Variants in PIK3C2B observed in about 807,000 individuals in gnomAD.
The protein encoded by PIK3C2B is phosphatidylinositol 4-phosphate 3-kinase C2 domain-containing subunit beta.
Under a neutral mutation model 184.3 loss-of-function variants are expected in PIK3C2B, and 83 were observed. The ratio of observed to expected loss-of-function variants is 0.45; its 90% confidence interval spans 0.38 to 0.54. PIK3C2B has a LOEUF of 0.54. PIK3C2B is among the 20% of genes least tolerant of loss of function. The probability of loss-of-function intolerance (pLI) is 0.00; values close to 1 mark genes in which losing one functional copy is unlikely to be tolerated. For synonymous variants in PIK3C2B, 779 were observed against 837.6 expected, an observed-to-expected ratio of 0.93 and a Z score of 1.21; for missense variants, 1,736 against 2,113.5, an observed-to-expected ratio of 0.82 and a Z score of 3.50.
intron 14 of PIK3C2B, 89 bp downstream of exon 14, chr1:204,449,096 G>T: frequency 1.1e-6 from 1 of 897,614 alleles, no homozygotes. Flanking sequence ...ACTCTCTCCT[G>T]CTGTCCCAGC....
chr1:204,447,465 T>C lies in PIK3C2B; in HGVS notation c.2460A>G (p.Lys820=), dbSNP rs1477150341. ...SLREEDQRKL[K]DIMQKESLYW... The stretch of plus-strand genomic sequence containing the variant: ...ACAAGGACTCTTTCTGCATGATGTC[T>C]TTAAGCTTGCGCTGGTCTTCTTCCC... Residue 820 remains lysine (K), a synonymous_variant, in exon 15 of 33, where the codon AAA becomes AAG. Coordinates refer to ENST00000684373, the MANE Select transcript of PIK3C2B (RefSeq NM_001377334.1). The surrounding 1 kb of genome is among the most constrained non-coding windows in gnomAD (Gnocchi z 4.1). 3 of 1,613,854 alleles carry C rather than the reference T, an allele frequency of 1.9e-6. No homozygotes were observed. The East Asian group carries it at 6.7e-5, about 36-fold the overall frequency.
intron 9 of PIK3C2B, 79 bp from the exon 10 acceptor site, chr1:204,457,149 G>T: frequency 1.6e-6 from 2 of 1,258,148 alleles, no homozygotes; most frequent in Non-Finnish European, 2.2e-6. Context: ...GCTTTTCACA[G>T]CTGCGCTCAT....
Position 204,433,288 on chromosome 1 carries a change from T to C in PIK3C2B, c.3953+28A>G, listed in dbSNP as rs1169437133. On this transcript the variant is annotated intron_variant, in intron 26 of 32. Transcript: ENST00000684373. The surrounding 1 kb of genome is among the most constrained non-coding windows in gnomAD (Gnocchi z 5.0). The stretch of plus-strand genomic sequence containing the variant: ...GCTGGGAATTACTCAGGGTGGGCAG[T>C]GCTGATTCGCTCAGGGAATCATTTT... The C allele has an allele frequency of 1.7e-6, 2 of 1,202,270 alleles. No homozygotes were observed. The highest frequency in any genetic ancestry group is 3.0e-5 in the African/African-American group (2 of 66,878). The allele number at this position is 1,202,270 out of a possible 1,614,324, so 74.5% of individuals were successfully genotyped here.
At chr1:204,434,685 G>T (rs1675247901) in intron 23 of PIK3C2B, 77 bp from the exon 24 acceptor site, 2 of 1,216,204 alleles carry the variant, frequency 1.6e-6, no homozygotes, top group Non-Finnish European at 2.3e-6. Context: ...CAGCCAGACA[G>T]AACTCAGCCA....
intron 1 of PIK3C2B, among the ~76,000 whole-genome samples, chr1:204,475,023 G>A (rs1255240017): frequency 6.6e-6 from 1 of 151,988 alleles, no homozygotes; most frequent in Non-Finnish European, 1.5e-5. Flanking sequence ...TCCTAACTGT[G>A]GTTGCCCTAA....
At chr1:204,434,703 C>A in intron 23 of PIK3C2B, 95 bp from the exon 24 acceptor site, 1 of 949,090 alleles carries the variant, frequency 1.1e-6, no homozygotes, top group Non-Finnish European at 1.6e-6. Context: ...CCAGCCCTGG[C>A]CTCTCTCTCT....
At chr1:204,482,306 C>A (rs1033741559) in intron 1 of PIK3C2B, among the ~76,000 whole-genome samples, 6 of 152,188 alleles carry the variant, frequency 3.9e-5, no homozygotes, top group Non-Finnish European at 8.8e-5. Context: ...CCAGGTTGAT[C>A]CAGGTGGCCA....
intron 29 of PIK3C2B, among the ~76,000 whole-genome samples, chr1:204,429,396 A>AG (rs758962486): frequency 2.4e-4 from 37 of 152,326 alleles, no homozygotes; most frequent in Non-Finnish European, 4.7e-4. Context: ...ATAAATGCTA[A>AG]GGGAAAAAAG....
At chr1:204,484,221 G>A (rs1268465771) in intron 1 of PIK3C2B, among the ~76,000 whole-genome samples, 2 of 152,076 alleles carry the variant, frequency 1.3e-5, no homozygotes, top group East Asian at 3.8e-4. Flanking sequence ...GCCAGGTATT[G>A]TCTTATTTAG....
chr1:204,471,927 G>A lies in PIK3C2B; in HGVS notation c.-84-2041C>T, dbSNP rs74382436. 4.0e-3 allele frequency among the ~76,000 whole-genome samples: 598 copies of A among 151,138 alleles called. 3 individuals carry two copies. Among genetic ancestry groups the A allele is most frequent in the African/African-American group, 0.013 (550 of 41,288 alleles). ...CAAAGCTTGCCAACAGGTGAGACCC[G>A]GCTACCTGATGTCTTACAGGTGTGC... is the stretch of plus-strand genomic sequence containing the variant. On this transcript the variant is annotated intron_variant, in intron 1 of 32. Coordinates refer to ENST00000684373, the MANE Select transcript of PIK3C2B (RefSeq NM_001377334.1).
intron 9 of PIK3C2B, 119 bp from the exon 10 acceptor site, chr1:204,457,189 G>C: frequency 1.3e-6 from 1 of 773,906 alleles, no homozygotes; most frequent in Non-Finnish European, 2.1e-6. Context: ...AATGTGAGTA[G>C]CTGAGAATCC....
At chr1:204,431,525 A>G in intron 28 of PIK3C2B, 144 bp downstream of exon 28, 1 of 1,012,878 alleles carries the variant, frequency 9.9e-7, no homozygotes, top group Non-Finnish European at 1.5e-6. Flanking sequence ...ACTTGTCATC[A>G]AACTCCATAC....
Position 204,431,746 on chromosome 1 carries a change from G to A in PIK3C2B, c.4203C>T (p.Tyr1401=), listed in dbSNP as rs114734912. ...VMRENTHEAT[Y]IQRTFEEFQE... ...GGAACTCCTCAAAGGTCCGCTGGATGTAGGTGGCCTCGTGAGTGTTCTCTC... is the reference window on the plus strand; with the variant it reads ...GGAACTCCTCAAAGGTCCGCTGGATATAGGTGGCCTCGTGAGTGTTCTCTC... Residue 1401 remains tyrosine, a synonymous_variant, in exon 28 of 33, where the codon TAC becomes TAT. Coordinates refer to ENST00000684373, the MANE Select transcript of PIK3C2B (RefSeq NM_001377334.1). The A allele has an allele frequency of 1.7e-5, 28 of 1,614,154 alleles. No individual in the cohort carries two copies. In the African/African-American group the frequency reaches 2.0e-4, roughly 12 times the overall value.
At chr1:204,432,081 AG>A in intron 27 of PIK3C2B, 118 bp downstream of exon 27, 1 of 924,050 alleles carries the variant, frequency 1.1e-6, no homozygotes, top group Non-Finnish European at 1.7e-6. Flanking sequence ...GACTGCTCCC[AG>A]CACAGGACGC....
chr1:204,431,125 T>C (rs1247237547), intron 28 of PIK3C2B, among the ~76,000 whole-genome samples: 1 of 152,194 alleles, frequency 6.6e-6, no homozygotes, highest in African/African-American at 2.4e-5. Flanking sequence ...TGAAGCTCTG[T>C]ACCCATTAAA....
chr1:204,467,833 CAA>C (rs545904416), intron 2 of PIK3C2B, among the ~76,000 whole-genome samples: 3 of 88,578 alleles, frequency 3.4e-5, no homozygotes, highest in Non-Finnish European at 6.7e-5. Context: ...GACTCTGTCT[CAA>C]AAAAAAAAAA....
rs369128108 is a variant in PIK3C2B, at chr1:204,454,727, G to C, written c.2008C>G (p.Gln670Glu). ...TTGGAGAAGTGAGCTCTTCGGGTCTGCAGGGGGCTGCACAGCTCCTTGCCG... is the reference window on the plus strand; with the variant it reads ...TTGGAGAAGTGAGCTCTTCGGGTCTCCAGGGGGCTGCACAGCTCCTTGCCG... ...HGGKELCSPL[Q>E]TRRAHFSKYL... The change falls in exon 12 of 33, where the codon CAG becomes GAG. Residue 670 changes from glutamine (Q) to glutamate (E), a missense_variant. Around this residue, in one of 8 missense-constraint regions of PIK3C2B, gnomAD observed 609 missense variants for 699.2 expected, o/e 0.87. Coordinates refer to ENST00000684373, the MANE Select transcript of PIK3C2B (RefSeq NM_001377334.1). The C allele has an allele frequency of 1.9e-6, 3 of 1,613,612 alleles. No individual in the cohort carries two copies. The highest frequency in any genetic ancestry group is 2.5e-6 in the Non-Finnish European group (3 of 1,179,964).
At chr1:204,485,033 C>T (rs1267013443) in intron 1 of PIK3C2B, among the ~76,000 whole-genome samples, 1 of 150,592 alleles carries the variant, frequency 6.6e-6, no homozygotes, top group African/African-American at 2.4e-5. Flanking sequence ...TATAACCAGT[C>T]TTCCAGTCTT....
At chr1:204,457,906 C>T (rs766536427) in intron 8 of PIK3C2B, 32 bp from the exon 9 acceptor site, 1 of 1,605,192 alleles carries the variant, frequency 6.2e-7, no homozygotes. Flanking sequence ...GGCTGGCAGG[C>T]TCTGCTCTCA....
Sources: gnomAD v4.1 joint callset for allele counts (sites outside exome capture counted in the v4.1 genomes callset) on GRCh38, gnomAD v4.1.1 for gene constraint, gnomAD v4.1.1 regional missense constraint, Gnocchi (gnomAD v3.1) non-coding constraint, MANE v1.5 for transcripts, NCBI Gene and HGNC (gene_info 2026-07-23, HGNC 2026-07-21) for gene names.